Variants in SOX30 observed in about 807,000 individuals in gnomAD.
SOX30 encodes transcription factor SOX-30.
In SOX30, 17 loss-of-function variants were observed where a neutral mutation model predicts 58.6. That is an observed-to-expected ratio of 0.29 (90% CI 0.20 to 0.44). The LOEUF is 0.44. Ranked by LOEUF, SOX30 falls within the 20% of genes least tolerant of loss-of-function variation. SOX30 has a pLI of 1.00. For missense variants in SOX30, 951 were observed against 965.8 expected (o/e 0.98, Z 0.20); for synonymous variants, 421 against 400.2 (o/e 1.05, Z -0.62).
rs113001786 is a variant in SOX30, at chr5:157,633,973, G to A, written c.1880+4257C>T. On this transcript the variant is annotated intron_variant, in intron 4 of 4. Coordinates refer to ENST00000265007, the MANE Select transcript of SOX30 (RefSeq NM_178424.2). ...ACTGCAAGAAGAAGGAAGAGGAAGG[G>A]GTAGGGAGAAAAGAACTAGTCTGAA... is the stretch of plus-strand genomic sequence containing the variant. Among the ~76,000 whole-genome samples, 468 of 152,268 alleles carry A rather than the reference G, an allele frequency of 3.1e-3. 2 individuals are homozygous for A. The highest frequency in any genetic ancestry group is 4.5e-3 in the Non-Finnish European group (309 of 68,020).
chr5:157,665,697 T>G (rs1289700472), intron 2 of SOX30, among the ~76,000 whole-genome samples: 1 of 147,740 alleles, frequency 6.8e-6, no homozygotes, highest in African/African-American at 2.4e-5. Flanking sequence ...AATTTATAAT[T>G]TATTTATAAT....
Position 157,652,068 on chromosome 5 carries a change from G to T in SOX30, c.11C>A (p.Ala4Asp). The stretch of plus-strand genomic sequence containing the variant: ...CGGCTGAGGCGGCGGCTCGGGTCTG[G>T]CTCTCTCCATGGGGGAGGGGGACGC... MER[A>D]RPEPPPQPRP... The change falls in exon 1 of 5, where the codon GCC becomes GAC. Residue 4 changes from alanine (A) to aspartate (D), a missense_variant. By Grantham distance (126) the Ala-to-Asp change is moderately radical. Coordinates refer to ENST00000265007, the MANE Select transcript of SOX30 (RefSeq NM_178424.2). The T allele has an allele frequency of 7.1e-7, 1 of 1,417,632 alleles. No individual in the cohort carries two copies. The highest frequency in any genetic ancestry group is 9.1e-7 in the Non-Finnish European group (1 of 1,093,954). The allele number at this position is 1,417,632 out of a possible 1,614,324, so 87.8% of individuals were successfully genotyped here.
chr5:157,666,356 G>A (rs1322602996), intron 2 of SOX30, among the ~76,000 whole-genome samples: 1 of 151,562 alleles, frequency 6.6e-6, no homozygotes, highest in Non-Finnish European at 1.5e-5. Flanking sequence ...GATAGGGTCT[G>A]GCTATGTTGC....
chr5:157,643,987 T>C (rs1759131975), intron 3 of SOX30, among the ~76,000 whole-genome samples: 1 of 152,116 alleles, frequency 6.6e-6, no homozygotes, highest in South Asian at 2.1e-4. Flanking sequence ...CTAAATAATA[T>C]AAAGCCAAGT....
intron 4 of SOX30, among the ~76,000 whole-genome samples, chr5:157,631,706 AG>A (rs1173645970): frequency 6.6e-6 from 1 of 150,756 alleles, no homozygotes; most frequent in African/African-American, 2.4e-5. Context: ...CTGAGGTTGC[AG>A]TGAGCCAAGA....
At chr5:157,667,791 T>C (rs963941702) in intron 2 of SOX30, 66 of 1,522,154 alleles carry the variant, frequency 4.3e-5, no homozygotes, top group African/African-American at 2.3e-4. Flanking sequence ...CACACACACA[T>C]ACAAACCTTG....
chr5:157,637,882 C>G (rs934812500), intron 4 of SOX30, among the ~76,000 whole-genome samples: 9 of 152,064 alleles, frequency 5.9e-5, no homozygotes, highest in African/African-American at 1.9e-4. Context: ...TTAGTAGAGA[C>G]AGAGTTTTAC....
At chr5:157,664,243 G>T (rs879582935) in intron 2 of SOX30, among the ~76,000 whole-genome samples, 7 of 152,192 alleles carry the variant, frequency 4.6e-5, no homozygotes, top group Non-Finnish European at 1.0e-4. Flanking sequence ...TACCAAACCA[G>T]AGATATAGAC....
intron 1 of SOX30, chr5:157,671,214 C>A (rs1686004487): frequency 1.0e-5 from 2 of 196,332 alleles, no homozygotes; most frequent in Non-Finnish European, 2.1e-5. Flanking sequence ...GGTCTTCAGA[C>A]CTCAGCTCCA....
At chr5:157,656,167 T>C (rs1428427973), upstream of SOX30, among the ~76,000 whole-genome samples, 1 of 152,194 alleles carries the variant, frequency 6.6e-6, no homozygotes, top group African/African-American at 2.4e-5. Context: ...ATGTGTATCA[T>C]GTGTGTGGTG....
rs1759380408 is a variant in SOX30 at position 157,652,376 on chromosome 5, T to A, written c.-298A>T. 1 of 1,133,770 alleles carries A rather than the reference T, an allele frequency of 8.8e-7. No individual in the cohort carries two copies. Among genetic ancestry groups the A allele is most frequent in the Non-Finnish European group, 1.1e-6 (1 of 926,610 alleles). The allele number at this position is 1,133,770 out of a possible 1,614,324, so 70.2% of individuals were successfully genotyped here. A position where few individuals can be genotyped will look rare whatever the true frequency, so the allele number is the denominator to read the frequency against. On this transcript the variant is annotated 5_prime_UTR_variant, in exon 1 of 5. In the 5' UTR this introduces an upstream ATG that the reference lacks. Coordinates refer to ENST00000265007, the MANE Select transcript of SOX30 (RefSeq NM_178424.2). ...GTTGCACATTTTCGTTCTGACTCTC[T>A]TGTGGAGTTCTCTTACAGCCGTTGT...
Position 157,638,648 on chromosome 5 carries a change from TGGGCTGGAAAAGTGTGACA to T in SOX30, c.1443_1461del (p.Val482AlafsTer45). 6.2e-7 allele frequency: 1 copy of T among 1,614,168 alleles called. No individual in the cohort carries two copies. The highest frequency in any genetic ancestry group is 8.5e-7 in the Non-Finnish European group (1 of 1,180,030). The stretch of plus-strand genomic sequence containing the variant: ...GCCACCTGAGCAGCACTGGAGACGC[TGGGCTGGAAAAGTGTGACA>T]GGGCTTGGGCTCTGGACTGCAGGTG... On this transcript the variant is annotated frameshift_variant, in exon 4 of 5. Transcript: ENST00000265007. LOFTEE classifies it high-confidence loss of function.
At chr5:157,638,113 C>T in intron 4 of SOX30, 117 bp downstream of exon 4, 2 of 1,049,728 alleles carry the variant, frequency 1.9e-6, no homozygotes, top group Non-Finnish European at 2.7e-6. Flanking sequence ...TCCTAGTCAG[C>T]AGAATTGAAG....
Position 157,626,417 on chromosome 5 carries a change from T to G in SOX30, c.2185A>C (p.Thr729Pro), listed in dbSNP as rs1457321055. 2 of 1,614,106 alleles carry G rather than the reference T, an allele frequency of 1.2e-6. No homozygotes were observed. Among genetic ancestry groups the G allele is most frequent in the Admixed American group, 3.3e-5 (2 of 60,008 alleles). The change falls in exon 5 of 5, where the codon ACT becomes CCT. Residue 729 changes from threonine (T) to proline (P), a missense_variant. By Grantham distance (38) the Thr-to-Pro change is conservative (BLOSUM62 -1). Around this residue, in one of 7 missense-constraint regions of SOX30, gnomAD observed 381 missense variants for 390.0 expected, o/e 0.98. Transcript: ENST00000265007. ...LENVFTAPTS[T>P]PSSIQQVNVT... The stretch of plus-strand genomic sequence containing the variant: ...TTGACTTGCTGGATGCTAGAAGGAG[T>G]TGATGTCGGGGCTGTGAAGACATTC...
chr5:157,629,730 C>T (rs893614885), intron 4 of SOX30, among the ~76,000 whole-genome samples: 3 of 152,138 alleles, frequency 2.0e-5, no homozygotes, highest in South Asian at 2.1e-4. Flanking sequence ...ACACTCAGAA[C>T]GACCCTAAGA....
At chr5:157,662,546 A>G (rs566091387) in intron 2 of SOX30, among the ~76,000 whole-genome samples, 1 of 152,212 alleles carries the variant, frequency 6.6e-6, no homozygotes, top group Non-Finnish European at 1.5e-5. Context: ...AGTAGAAAAT[A>G]TTTTATAATT....
intron 3 of SOX30, among the ~76,000 whole-genome samples, chr5:157,639,600 T>C (rs1007176205): frequency 1.1e-4 from 17 of 152,202 alleles, no homozygotes; most frequent in African/African-American, 4.1e-4. Flanking sequence ...TAATGTGTTT[T>C]AGCTTTCTGT....
intron 4 of SOX30, among the ~76,000 whole-genome samples, chr5:157,628,496 C>G (rs540999339): frequency 6.6e-6 from 1 of 152,014 alleles, no homozygotes; most frequent in African/African-American, 2.4e-5. Context: ...TGCCCTACCC[C>G]CAAATCTTCA....
At position 157,651,480 on chromosome 5, in the gene SOX30, G is replaced by C. The variant is rs765354418; in HGVS notation, c.599C>G (p.Ala200Gly). The change falls in exon 1 of 5, where the codon GCA (alanine) becomes GGA (glycine). Residue 200 changes from alanine (A) to glycine (G), a missense_variant. This residue lies in a region of SOX30 where 363 missense variants were observed against 294.5 expected (regional missense o/e 1.23). Coordinates refer to ENST00000265007, the MANE Select transcript of SOX30 (RefSeq NM_178424.2). ...EVMRDSMQGG[A>G]GKSPAAIREG... is the part of the protein sequence containing the mutation. The stretch of plus-strand genomic sequence containing the variant: ...TCGGATGGCTGCCGGGCTTTTGCCT[G>C]CCCCGCCTTGCATCGAGTCTCTCAT... 1 of 1,613,344 alleles carries C rather than the reference G, an allele frequency of 6.2e-7. No individual in the cohort carries two copies. The highest frequency in any genetic ancestry group is 1.1e-5 in the South Asian group (1 of 91,078).
Sources: allele counts gnomAD v4.1 joint callset (sites outside exome capture counted in the v4.1 genomes callset), GRCh38; gene constraint gnomAD v4.1.1; regional missense constraint gnomAD v4.1.1; transcripts MANE v1.5; gene names NCBI Gene and HGNC (gene_info 2026-07-23, HGNC 2026-07-21).